RERE: variants seen among roughly 807,000 people sequenced by gnomAD.
RERE encodes the protein arginine-glutamic acid dipeptide repeats.
Under a neutral mutation model 146.1 loss-of-function variants are expected in RERE, and 40 were observed. The ratio of observed to expected loss-of-function variants is 0.27; its 90% CI spans 0.21 to 0.36. RERE has a LOEUF of 0.36. Among genes scored for constraint, RERE ranks in the 10% least tolerant of loss-of-function variants. The pLI is 1.00. For synonymous variants in RERE, 1,003 were observed against 866.0 expected, an observed-to-expected ratio of 1.16 and a Z score of -2.78; for missense variants, 1,933 against 2,138.7, an observed-to-expected ratio of 0.90 and a Z score of 1.90.
chr1:8,411,880 G>A (rs1056668800), intron 12 of RERE, among the ~76,000 whole-genome samples: 8 of 151,938 alleles, frequency 5.3e-5, no homozygotes, highest in Non-Finnish European at 7.4e-5. Flanking sequence ...CAGATTCATC[G>A]GGCCTATTTC....
intron 7 of RERE, chr1:8,525,659 T>G (rs1645560890): frequency 7.9e-7 from 1 of 1,269,178 alleles, no homozygotes; most frequent in African/African-American, 1.5e-5. Flanking sequence ...CTCAGGAACA[T>G]GCACTATGAA....
At chr1:8,568,116 C>T (rs374471487) in intron 4 of RERE, among the ~76,000 whole-genome samples, 1 of 152,122 alleles carries the variant, frequency 6.6e-6, no homozygotes, top group Admixed American at 6.5e-5. Context: ...ATCTAATCGG[C>T]TGGGGTCCAG....
intron 15 of RERE, among the ~76,000 whole-genome samples, chr1:8,363,518 C>A (rs913480418): frequency 2.0e-5 from 3 of 152,170 alleles, no homozygotes; most frequent in African/African-American, 7.2e-5. Flanking sequence ...ATAAGGGAGG[C>A]TGAAGGGAAA....
At chr1:8,362,877 G>T (rs747091156) in intron 15 of RERE, 33 bp from the exon 16 acceptor site, 1 of 1,588,716 alleles carries the variant, frequency 6.3e-7, no homozygotes, top group Non-Finnish European at 8.6e-7. Context: ...GGTGACACCA[G>T]ATTCCCAGTC....
chr1:8,717,277 G>C (rs1639783090), intron 1 of RERE, among the ~76,000 whole-genome samples: 1 of 152,188 alleles, frequency 6.6e-6, no homozygotes, highest in Admixed American at 6.5e-5. Context: ...AATCAAGCAT[G>C]TTCTAAATTG....
At chr1:8,388,509 C>A (rs916379131) in intron 12 of RERE, among the ~76,000 whole-genome samples, 1 of 151,906 alleles carries the variant, frequency 6.6e-6, no homozygotes, top group East Asian at 1.9e-4. Flanking sequence ...TTAGTAGAGA[C>A]GGGGTTTCAC....
In RERE at chr1:8,364,049, G is replaced by T; in HGVS notation, c.1740+7C>A. The T allele has an allele frequency of 6.2e-7, 1 of 1,613,516 alleles. No homozygotes were observed. The highest frequency in any genetic ancestry group is 8.5e-7 in the Non-Finnish European group (1 of 1,179,628). On this transcript the variant is annotated splice_region_variant and intron_variant, in intron 15 of 22. Transcript: ENST00000400908. The surrounding 1 kb of genome is among the most constrained non-coding windows in gnomAD (Gnocchi z 5.1). Reference sequence around the variant, plus strand: ...TGCCAGGAGCCCCATGGCCCCAGGGGACTCACCGAGCCCCGACTCCGCCGT... The same window carrying T: ...TGCCAGGAGCCCCATGGCCCCAGGGTACTCACCGAGCCCCGACTCCGCCGT...
intron 12 of RERE, among the ~76,000 whole-genome samples, chr1:8,416,881 TC>T (rs1255071729): frequency 4.6e-5 from 7 of 152,196 alleles, no homozygotes; most frequent in African/African-American, 1.7e-4. Flanking sequence ...AGATTCTGGC[TC>T]AAGAGACAAG....
chr1:8,658,784 GAAA>G (rs1161409436), intron 1 of RERE, among the ~76,000 whole-genome samples: 1 of 150,512 alleles, frequency 6.6e-6, no homozygotes, highest in Non-Finnish European at 1.5e-5. Flanking sequence ...AAGAAAGAAA[GAAA>G]AAAGAAAATT....
chr1:8,588,788 G>A (rs976055202), intron 4 of RERE, among the ~76,000 whole-genome samples: 1 of 152,164 alleles, frequency 6.6e-6, no homozygotes, highest in African/African-American at 2.4e-5. Flanking sequence ...ATCTTCCATA[G>A]TGATCCCCCA....
At chr1:8,386,301 T>C (rs140260180) in intron 12 of RERE, among the ~76,000 whole-genome samples, 419 of 151,246 alleles carry the variant, frequency 2.8e-3, no homozygotes, top group African/African-American at 9.5e-3. Flanking sequence ...AAGAATAAAA[T>C]AGAGCCAAGA....
intron 1 of RERE, among the ~76,000 whole-genome samples, chr1:8,693,839 G>A (rs1338266635): frequency 6.6e-6 from 1 of 152,004 alleles, no homozygotes; most frequent in African/African-American, 2.4e-5. Context: ...GAGTTAGGGG[G>A]GATGCGGGAA....
In RERE at chr1:8,495,088, T is replaced by G; in HGVS notation, c.1079A>C (p.Asp360Ala). The change falls in exon 10 of 23, where the codon GAC (aspartate) becomes GCC (alanine). Residue 360 changes from aspartate (D) to alanine (A), a missense_variant. By Grantham distance (126) the Asp-to-Ala change is moderately radical (BLOSUM62 -2). Coordinates refer to ENST00000400908, the MANE Select transcript of RERE (RefSeq NM_001042681.2). ...TGTGTTCAGTGCATTCAGAGTGGTG[T>G]CATCCCGAGAGGCTGCGACACAGCC... ...EDGCVAASRD[D>A]TTLNALNTLH... The G allele has an allele frequency of 6.2e-7, 1 of 1,613,618 alleles. No homozygotes were observed. The highest frequency in any genetic ancestry group is 8.5e-7 in the Non-Finnish European group (1 of 1,179,552).
intron 11 of RERE, among the ~76,000 whole-genome samples, chr1:8,440,328 C>T (rs1404115917): frequency 3.3e-5 from 5 of 152,146 alleles, no homozygotes; most frequent in African/African-American, 1.2e-4. Flanking sequence ...AGGCACGGCT[C>T]ATGCCTGTAA....
At chr1:8,598,753 A>G (rs1646585555) in intron 4 of RERE, among the ~76,000 whole-genome samples, 1 of 152,202 alleles carries the variant, frequency 6.6e-6, no homozygotes, top group African/African-American at 2.4e-5. Flanking sequence ...GGGAAGCAGA[A>G]ATGTGAGATT....
intron 10 of RERE, among the ~76,000 whole-genome samples, chr1:8,488,916 T>C (rs1420257809): frequency 1.3e-5 from 2 of 152,156 alleles, no homozygotes; most frequent in Non-Finnish European, 2.9e-5. Flanking sequence ...AAGACCTAAA[T>C]GTAAGAAGTA....
chr1:8,510,933 ATTTTG>A (rs745392010), intron 7 of RERE, among the ~76,000 whole-genome samples: 2 of 152,054 alleles, frequency 1.3e-5, no homozygotes, highest in African/African-American at 2.4e-5. Flanking sequence ...TTTTTATTTT[ATTTTG>A]GAGATGAGGT....
intron 4 of RERE, among the ~76,000 whole-genome samples, chr1:8,585,580 A>C (rs1377794306): frequency 6.6e-6 from 1 of 152,206 alleles, no homozygotes; most frequent in Non-Finnish European, 1.5e-5. Context: ...ATAGTAAGGA[A>C]ACTATCAAAG....
intron 12 of RERE, among the ~76,000 whole-genome samples, chr1:8,420,739 T>C (rs1344309846): frequency 6.6e-6 from 1 of 152,098 alleles, no homozygotes; most frequent in African/African-American, 2.4e-5. Flanking sequence ...AACTGCTGGG[T>C]GCTAGAGAAG....
Sources: allele counts gnomAD v4.1 joint callset (sites outside exome capture counted in the v4.1 genomes callset), GRCh38; gene constraint gnomAD v4.1.1; non-coding constraint Gnocchi (gnomAD v3.1); transcripts MANE v1.5; gene names NCBI Gene and HGNC (gene_info 2026-07-23, HGNC 2026-07-21).